The following SYCE1 variants were observed in gnomAD, a reference collection of about 807,000 sequenced individuals.
SYCE1 encodes the protein cancer/testis antigen 76.
In SYCE1, 37 loss-of-function variants were observed where a neutral mutation model predicts 55.1. The ratio of observed to expected loss-of-function variants is 0.67; its 90% CI spans 0.52 to 0.88. The LOEUF (loss-of-function observed/expected upper bound fraction) is 0.88, where lower values mean the gene tolerates loss of function less well. SYCE1 is among the 40% of genes least tolerant of loss of function. SYCE1 has a pLI of 0.00. For missense variants in SYCE1, 399 were observed against 416.4 expected (o/e 0.96, Z 0.36); for synonymous variants, 163 against 159.4 (o/e 1.02, Z -0.17).
At chr10:133,559,569 G>C in intron 2 of SYCE1, 1 of 567,502 alleles carries the variant, frequency 1.8e-6, no homozygotes. Context: ...CGGTAACCGT[G>C]TTCAAGAGAA....
Position 133,564,228 on chromosome 10 carries a change from C to T in SYCE1, c.73+1229G>A, listed in dbSNP as rs1851876203. Among the ~76,000 whole-genome samples the T allele has an allele frequency of 2.6e-5, 4 of 152,074 alleles. No homozygotes were observed. In the South Asian group the frequency reaches 8.3e-4, roughly 32 times the overall value. ...ACCAGAGAGGTCTGCAGCAACTTCCCCAACATGAGGACACAATGAGAAGAC... is the reference window on the plus strand; with the variant it reads ...ACCAGAGAGGTCTGCAGCAACTTCCTCAACATGAGGACACAATGAGAAGAC... On this transcript the variant is annotated intron_variant, in intron 1 of 12. Coordinates refer to ENST00000343131, the MANE Select transcript of SYCE1 (RefSeq NM_001143764.3).
chr10:133,557,779 G>A (rs1851722686), intron 6 of SYCE1, 85 bp downstream of exon 6: 12 of 1,449,598 alleles, frequency 8.3e-6, no homozygotes, highest in Non-Finnish European at 1.2e-5. Context: ...TGAGAGCTGT[G>A]GGTCTCAGAT....
chr10:133,565,664 A>G, upstream of SYCE1: 1 of 831,786 alleles, frequency 1.2e-6, no homozygotes, highest in Non-Finnish European at 1.8e-6. Context: ...GATGTGAGGT[A>G]ATTCTCCGGC....
chr10:133,565,510 G>A lies in SYCE1; in HGVS notation c.20C>T (p.Thr7Ile), dbSNP rs577859525. MAGRSL[T>I]SKAEPTAGAV... ...TCCTGCGGTGGGCTCGGCCTTCGAT[G>A]TCAGGGACCTCCCCGCCATTTCCTC... The change falls in exon 1 of 13, where the codon ACA becomes ATA. Residue 7 changes from threonine to isoleucine, a missense_variant. Physicochemically the swap from Thr to Ile is moderately conservative, Grantham distance 89 (BLOSUM62 -1). Coordinates refer to ENST00000343131, the MANE Select transcript of SYCE1 (RefSeq NM_001143764.3). 2.3e-5 allele frequency: 35 copies of A among 1,549,948 alleles called. No homozygotes were observed. Among genetic ancestry groups the A allele is most frequent in the East Asian group, 9.8e-5 (4 of 40,870 alleles).
chr10:133,555,979 A>T lies in SYCE1; in HGVS notation c.595+2T>A. On this transcript the variant is annotated splice_donor_variant, in intron 9 of 12. Transcript: ENST00000343131. LOFTEE classifies it high-confidence loss of function. ...TGGGCCATCCACCTTCCCTGGTCTC[A>T]CCTTCCTTGAGCAGCTGCTCCTTGC... 6.2e-7 allele frequency: 1 copy of T among 1,614,036 alleles called. No homozygotes were observed. The highest frequency in any genetic ancestry group is 8.5e-7 in the Non-Finnish European group (1 of 1,179,990).
At chr10:133,557,358 A>G (rs952740551) in intron 6 of SYCE1, 3 of 594,232 alleles carry the variant, frequency 5.0e-6, no homozygotes, top group South Asian at 2.1e-5. Context: ...TAATGTGGAC[A>G]TGGTTAAGTG....
chr10:133,557,315 C>T, intron 6 of SYCE1, 159 bp from the exon 7 acceptor site: 3 of 657,638 alleles, frequency 4.6e-6, no homozygotes, highest in Non-Finnish European at 8.0e-6. Context: ...ACCATTTGCC[C>T]CCTGGAAGTA....
chr10:133,562,570 A>T (rs1426193232), intron 1 of SYCE1, among the ~76,000 whole-genome samples: 1 of 152,132 alleles, frequency 6.6e-6, no homozygotes, highest in East Asian at 1.9e-4. Flanking sequence ...GTGTATCCCC[A>T]AGAGTGTAAA....
At chr10:133,564,697 C>G (rs955426006) in intron 1 of SYCE1, among the ~76,000 whole-genome samples, 5 of 152,182 alleles carry the variant, frequency 3.3e-5, no homozygotes, top group Non-Finnish European at 7.3e-5. Flanking sequence ...AGTTTTAACT[C>G]AAGGGGGACA....
chr10:133,557,087 C>T lies in SYCE1; in HGVS notation c.444G>A (p.Lys148=). 1 of 1,614,128 alleles carries T rather than the reference C, an allele frequency of 6.2e-7. No individual in the cohort carries two copies. Among genetic ancestry groups the T allele is most frequent in the South Asian group, 1.1e-5 (1 of 91,078 alleles). The change falls in exon 7 of 13, where the codon AAG becomes AAA. Residue 148 remains lysine, a synonymous_variant. Transcript: ENST00000343131. ...SALNLQIEEE[K]NKQRQLRLAF... is the part of the protein sequence containing the mutation. Reference sequence around the variant, plus strand: ...TTTACCTCAGCTGTCTCTGTTTGTTCTTCTCTTCTTCAATCTGCAAGTTCA... The same window carrying T: ...TTTACCTCAGCTGTCTCTGTTTGTTTTTCTCTTCTTCAATCTGCAAGTTCA...
chr10:133,559,857 C>T, intron 2 of SYCE1: 1 of 527,694 alleles, frequency 1.9e-6, no homozygotes, highest in East Asian at 3.4e-5. Flanking sequence ...AGATGGGTGA[C>T]CAGCGAGAGG....
chr10:133,563,707 A>G (rs1186460720), intron 1 of SYCE1, among the ~76,000 whole-genome samples: 1 of 145,208 alleles, frequency 6.9e-6, no homozygotes, highest in South Asian at 2.2e-4. Context: ...AAAAAAAATC[A>G]AGCATAAAAT....
At chr10:133,562,905 A>T (rs1006888403) in intron 1 of SYCE1, among the ~76,000 whole-genome samples, 2 of 152,162 alleles carry the variant, frequency 1.3e-5, no homozygotes, top group Non-Finnish European at 2.9e-5. Flanking sequence ...CCAGGCCCCA[A>T]CTCCAACATT....
At position 133,557,923 on chromosome 10, in the gene SYCE1, AG is replaced by A; in HGVS notation, c.320-6del. 1 of 1,613,972 alleles carries A rather than the reference AG, an allele frequency of 6.2e-7. No homozygotes were observed. Among genetic ancestry groups the A allele is most frequent in the Non-Finnish European group, 8.5e-7 (1 of 1,180,030 alleles). The stretch of plus-strand genomic sequence containing the variant: ...GCCGGAGGATCCTCAGGGTCTCTGT[AG>A]GGAGAGCAACAGGGCCCTATGAGAA... On this transcript the variant is annotated splice_region_variant and splice_polypyrimidine_tract_variant and intron_variant, in intron 5 of 12. Coordinates refer to ENST00000343131, the MANE Select transcript of SYCE1 (RefSeq NM_001143764.3).
rs573524246 is a variant in SYCE1, at chr10:133,557,808, C to T, written c.374+56G>A. ...CTCAGATTCATCTTCCTGCCTCTTT[C>T]TGCTCTACCAGAATAAAGAGGTAGT... On this transcript the variant is annotated intron_variant, in intron 6 of 12. Transcript: ENST00000343131. The T allele has an allele frequency of 4.3e-5, 68 of 1,587,644 alleles. 2 individuals are homozygous for T. The South Asian group carries it at 7.3e-4, about 17-fold the overall frequency.
chr10:133,554,893 C>A lies in SYCE1; in HGVS notation c.*99G>T, dbSNP rs1446806141. ...TGAAAACCTGTGATGTACCTCTGGC[C>A]CAGACCAAGAGGCAGAGTCAAGCCA... On this transcript the variant is annotated 3_prime_UTR_variant, in exon 13 of 13. Coordinates refer to ENST00000343131, the MANE Select transcript of SYCE1 (RefSeq NM_001143764.3). 2 of 1,463,392 alleles carry A rather than the reference C, an allele frequency of 1.4e-6. No individual in the cohort carries two copies. The highest frequency in any genetic ancestry group is 1.4e-5 in the African/African-American group (1 of 70,108). The allele number at this position is 1,463,392 out of a possible 1,614,324, so 90.7% of individuals were successfully genotyped here. A position where few individuals can be genotyped will look rare whatever the true frequency, so the allele number is the denominator to read the frequency against.
intron 8 of SYCE1, chr10:133,556,363 TC>T (rs750320251): frequency 1.1e-5 from 6 of 530,848 alleles, no homozygotes; most frequent in African/African-American, 1.9e-5. Context: ...GCTCTGCAGC[TC>T]CTCCCCACTC....
chr10:133,557,189 C>T (rs1159061712), intron 6 of SYCE1, 33 bp from the exon 7 acceptor site: 1 of 1,597,008 alleles, frequency 6.3e-7, no homozygotes, highest in South Asian at 1.1e-5. Context: ...CAGCCATGTT[C>T]TCTTAAGCCC....
rs1217887480 is a variant in SYCE1, at chr10:133,556,019, CA to C, written c.556del (p.Cys186ValfsTer24). The C allele has an allele frequency of 5.6e-6, 9 of 1,613,954 alleles. No homozygotes were observed. Among genetic ancestry groups the C allele is most frequent in the Non-Finnish European group, 7.6e-6 (9 of 1,180,016 alleles). ...HMPERLAKEI[C>X]ALDSSKEQLL... ...CTGCTCCTTGCTGCTGTCCAGGGCA[CA>C]AATCTCCTTTGCCAGCCGCTCTGGC... is the stretch of plus-strand genomic sequence containing the variant. On this transcript the variant is annotated frameshift_variant, in exon 9 of 13. Coordinates refer to ENST00000343131, the MANE Select transcript of SYCE1 (RefSeq NM_001143764.3). LOFTEE classifies it high-confidence loss of function.
Sources: allele counts gnomAD v4.1 joint callset (sites outside exome capture counted in the v4.1 genomes callset), GRCh38; gene constraint gnomAD v4.1.1; transcripts MANE v1.5; gene names NCBI Gene and HGNC (gene_info 2026-07-23, HGNC 2026-07-21).